The following TLE4 variants were observed in gnomAD, a reference collection of about 807,000 sequenced individuals.
TLE4 encodes the protein transducin-like enhancer protein 4.
A neutral mutation model predicts 92.8 loss-of-function variants in TLE4; 8 were observed. The observed-to-expected ratio is 0.09, with a 90% CI of 0.05 to 0.16. TLE4 has a LOEUF of 0.16. Among genes scored for constraint, TLE4 ranks in the 10% least tolerant of loss-of-function variants. The probability of loss-of-function intolerance (pLI) is 1.00; values close to 1 mark genes in which losing one functional copy is unlikely to be tolerated. For synonymous variants in TLE4, 371 were observed against 374.1 expected (o/e 0.99, Z 0.10); for missense variants, 675 against 997.6 (o/e 0.68, Z 4.36).
At chr9:79,653,836 C>T (rs2059383294) in intron 7 of TLE4, among the ~76,000 whole-genome samples, 1 of 152,144 alleles carries the variant, frequency 6.6e-6, no homozygotes, top group African/African-American at 2.4e-5. Flanking sequence ...GAATGTCCAG[C>T]TTTGGTTCTT....
At chr9:79,692,695 T>A (rs1483529889) in intron 8 of TLE4, among the ~76,000 whole-genome samples, 1 of 152,132 alleles carries the variant, frequency 6.6e-6, no homozygotes, top group African/African-American at 2.4e-5. Context: ...AGTGCCTGAT[T>A]CATAGATGAT....
At chr9:79,576,241 T>A (rs913632940) in intron 4 of TLE4, 64 bp downstream of exon 4, 3 of 1,262,460 alleles carry the variant, frequency 2.4e-6, no homozygotes, top group Non-Finnish European at 3.3e-6. Context: ...AAAAGAAAAT[T>A]GTATGTTTTG....
At chr9:79,687,114 A>G (rs1268073346) in intron 8 of TLE4, among the ~76,000 whole-genome samples, 1 of 152,208 alleles carries the variant, frequency 6.6e-6, no homozygotes, top group Non-Finnish European at 1.5e-5. Flanking sequence ...ATTAGCAATA[A>G]TGACAGTATT....
intron 1 of TLE4, 42 bp from the exon 2 acceptor site, chr9:79,573,647 C>G: frequency 6.7e-7 from 1 of 1,498,562 alleles, no homozygotes; most frequent in Non-Finnish European, 9.1e-7. Flanking sequence ...CCTGCTTCGC[C>G]TGTGATGTGG....
intron 8 of TLE4, among the ~76,000 whole-genome samples, chr9:79,698,007 C>T (rs2068731817): frequency 6.6e-6 from 1 of 152,096 alleles, no homozygotes; most frequent in Non-Finnish European, 1.5e-5. Flanking sequence ...AAAAAATATG[C>T]GGTTGTTTCC....
intron 6 of TLE4, among the ~76,000 whole-genome samples, chr9:79,630,194 A>C (rs2053804038): frequency 6.6e-6 from 1 of 152,190 alleles, no homozygotes; most frequent in Non-Finnish European, 1.5e-5. Flanking sequence ...GCACCTTTTT[A>C]ACTCTGCAAT....
At chr9:79,718,411 A>G (rs1479244806) in intron 14 of TLE4, among the ~76,000 whole-genome samples, 1 of 152,144 alleles carries the variant, frequency 6.6e-6, no homozygotes, top group Non-Finnish European at 1.5e-5. Flanking sequence ...TGGTTATCTC[A>G]TTTAATTCTG....
At chr9:79,625,311 G>T (rs2052321508) in intron 5 of TLE4, among the ~76,000 whole-genome samples, 1 of 152,144 alleles carries the variant, frequency 6.6e-6, no homozygotes, top group Admixed American at 6.5e-5. Flanking sequence ...GAGCCACCGC[G>T]CCCGGCCTTA....
intron 6 of TLE4, among the ~76,000 whole-genome samples, chr9:79,629,250 G>A (rs1430449675): frequency 6.6e-6 from 1 of 151,958 alleles, no homozygotes; most frequent in African/African-American, 2.4e-5. Context: ...ACTGTACAGT[G>A]GAGAGATTAA....
Position 79,627,462 on chromosome 9 carries a change from C to T in TLE4, c.390+14C>T, listed in dbSNP as rs758721836. 1 of 1,613,572 alleles carries T rather than the reference C, an allele frequency of 6.2e-7. No homozygotes were observed. The highest frequency in any genetic ancestry group is 8.5e-7 in the Non-Finnish European group (1 of 1,179,520). On this transcript the variant is annotated intron_variant, in intron 6 of 19. Transcript: ENST00000376552. ...GCCATCATTGGGGTACGTGGCCTTT[C>T]CATTTTAGCTCTGATCTTAGTGTTT...
chr9:79,703,179 A>T (rs2070451697), intron 8 of TLE4, among the ~76,000 whole-genome samples: 1 of 152,068 alleles, frequency 6.6e-6, no homozygotes, highest in African/African-American at 2.4e-5. Context: ...TCCAGTGGTG[A>T]TTGTTCTTCC....
intron 8 of TLE4, among the ~76,000 whole-genome samples, chr9:79,691,609 C>T (rs2067101414): frequency 2.0e-5 from 3 of 152,150 alleles, no homozygotes; most frequent in Admixed American, 2.0e-4. Context: ...CCTGCTCCCT[C>T]CACGTCAGCA....
intron 8 of TLE4, among the ~76,000 whole-genome samples, chr9:79,675,751 T>C (rs1048530363): frequency 6.6e-6 from 1 of 152,144 alleles, no homozygotes; most frequent in Admixed American, 6.6e-5. Flanking sequence ...AGCTTTACAT[T>C]AGGGAGCTAA....
chr9:79,602,189 A>C (rs118169630), intron 4 of TLE4, among the ~76,000 whole-genome samples: 1 of 152,232 alleles, frequency 6.6e-6, no homozygotes, highest in Non-Finnish European at 1.5e-5. Flanking sequence ...CCATAATGTG[A>C]AAGTACAAAG....
chr9:79,638,343 A>G (rs574156944), intron 6 of TLE4, among the ~76,000 whole-genome samples: 8 of 152,308 alleles, frequency 5.3e-5, no homozygotes, highest in African/African-American at 1.9e-4. Flanking sequence ...CTATCTTGAG[A>G]AAACCTTGTA....
chr9:79,609,889 A>G (rs986688015), intron 4 of TLE4, among the ~76,000 whole-genome samples: 4 of 152,098 alleles, frequency 2.6e-5, no homozygotes, highest in Non-Finnish European at 4.4e-5. Flanking sequence ...TGGATAGCAG[A>G]TTAGAGCCCT....
At chr9:79,713,707 G>A (rs568643485) in intron 14 of TLE4, among the ~76,000 whole-genome samples, 1 of 152,188 alleles carries the variant, frequency 6.6e-6, no homozygotes, top group African/African-American at 2.4e-5. Context: ...CAGAAACTCA[G>A]TTACTCTAGC....
chr9:79,572,687 G>A lies in TLE4; in HGVS notation c.-104G>A. On this transcript the variant is annotated 5_prime_UTR_variant, in exon 1 of 20. Transcript: ENST00000376552. ...CCGGGACCGCCCGAGCCGCCCCTCA[G>A]ACCGAGCCGGCCGCCTCCGCTGCCG... The A allele has an allele frequency of 3.2e-6, 4 of 1,259,676 alleles. No individual in the cohort carries two copies. The highest frequency in any genetic ancestry group is 2.1e-5 in the Admixed American group (1 of 47,958). The allele number at this position is 1,259,676 out of a possible 1,614,324, so 78.0% of individuals were successfully genotyped here.
chr9:79,573,429 G>T, intron 1 of TLE4: 1 of 1,187,962 alleles, frequency 8.4e-7, no homozygotes, highest in South Asian at 2.9e-5. Context: ...GGCCGGGGAG[G>T]GGAGACGGGA....
Sources: gnomAD v4.1 joint callset for allele counts (sites outside exome capture counted in the v4.1 genomes callset) on GRCh38, gnomAD v4.1.1 for gene constraint, MANE v1.5 for transcripts, NCBI Gene and HGNC (gene_info 2026-07-23, HGNC 2026-07-21) for gene names.